KLRC1: variants seen among roughly 807,000 people sequenced by gnomAD.
KLRC1 encodes NKG2-A/NKG2-B type II integral membrane protein.
KLRC1 carries 22 observed loss-of-function variants against 25.9 expected under a neutral mutation model. The observed-to-expected ratio is 0.85, with a 90% CI of 0.61 to 1.21. The LOEUF is 1.21. KLRC1 is among the 50% of genes most tolerant of loss of function. KLRC1 has a pLI of 0.00. For missense variants in KLRC1, 240 were observed against 272.2 expected (o/e 0.88, Z 0.83); for synonymous variants, 77 against 93.1 (o/e 0.83, Z 0.99).
At chr12:10,448,723 T>C (rs1383749883) in intron 5 of KLRC1, among the ~76,000 whole-genome samples, 3 of 152,156 alleles carry the variant, frequency 2.0e-5, no homozygotes, top group South Asian at 4.2e-4. Context: ...AAATATCAGA[T>C]AGGAGTGAAA....
In KLRC1 at chr12:10,449,405, A is replaced by G. The variant is rs1348289199; in HGVS notation, c.338-17T>C. 6.2e-7 allele frequency: 1 copy of G among 1,612,308 alleles called. No individual in the cohort carries two copies. Among genetic ancestry groups the G allele is most frequent in the Non-Finnish European group, 8.5e-7 (1 of 1,179,244 alleles). On this transcript the variant is annotated splice_polypyrimidine_tract_variant and intron_variant, in intron 4 of 6. Coordinates refer to ENST00000359151, the MANE Select transcript of KLRC1 (RefSeq NM_002259.5). ...AATGACGTGCTAAATAAAGATATGA[A>G]TTACTATCTAGACCAATATGAATTT...
chr12:10,454,021 T>C (rs61571638), upstream of KLRC1, among the ~76,000 whole-genome samples: 10,442 of 152,268 alleles, frequency 0.069, 740 homozygotes, highest in South Asian at 0.24. Flanking sequence ...CATTTATTCA[T>C]CCTCCGCCAT....
chr12:10,450,604 T>G (rs1864102442), intron 2 of KLRC1, 25 bp from the exon 3 acceptor site: 1 of 1,415,208 alleles, frequency 7.1e-7, no homozygotes, highest in Non-Finnish European at 1.0e-6. Context: ...ATGGGAACAG[T>G]GCGAAAGGAG....
At chr12:10,451,238 C>T in intron 1 of KLRC1, 51 bp from the exon 2 acceptor site, 1 of 1,118,594 alleles carries the variant, frequency 8.9e-7, no homozygotes, top group Non-Finnish European at 1.2e-6. Flanking sequence ...TACAGGATTC[C>T]CTAGTGCAAT....
Position 10,450,500 on chromosome 12 carries a change from C to T in KLRC1, c.267G>A (p.Thr89=), listed in dbSNP as rs759907293. 1.3e-6 allele frequency: 2 copies of T among 1,598,674 alleles called. No individual in the cohort carries two copies. Among genetic ancestry groups the T allele is most frequent in the African/African-American group, 1.3e-5 (1 of 74,656 alleles). Residue 89 remains threonine, a synonymous_variant, in exon 3 of 7, where the codon ACG becomes ACA. Coordinates refer to ENST00000359151, the MANE Select transcript of KLRC1 (RefSeq NM_002259.5). ...TAGACTTACAGGGAATAACAACTAT[C>T]GTTACCACAGAGGCCATTAAGATAA... ...ICLILMASVV[T]IVVIPSTLIQ...
chr12:10,453,841 A>G (rs374732815), upstream of KLRC1, among the ~76,000 whole-genome samples: 18 of 152,286 alleles, frequency 1.2e-4, no homozygotes, highest in East Asian at 3.3e-3. Context: ...AAGTTATATT[A>G]TTAACTTCTC....
intron 4 of KLRC1, among the ~76,000 whole-genome samples, chr12:10,449,631 A>G (rs1864078900): frequency 6.6e-6 from 1 of 152,200 alleles, no homozygotes. Flanking sequence ...AATCCACTCT[A>G]TACATGTCTT....
In KLRC1 at chr12:10,446,519, T is replaced by C. The variant is rs141615615; in HGVS notation, c.*32A>G. 1 of 1,576,834 alleles carries C rather than the reference T, an allele frequency of 6.3e-7. No individual in the cohort carries two copies. Among genetic ancestry groups the C allele is most frequent in the Non-Finnish European group, 8.7e-7 (1 of 1,155,632 alleles). On this transcript the variant is annotated 3_prime_UTR_variant, in exon 7 of 7. Coordinates refer to ENST00000359151, the MANE Select transcript of KLRC1 (RefSeq NM_002259.5). ...TCTATTTTAAGAAATATACAATTTA[T>C]CTGATGCACTGCAAATGCAAACGCT...
chr12:10,445,066 C>T (rs947164057), downstream of KLRC1, among the ~76,000 whole-genome samples: 1 of 151,770 alleles, frequency 6.6e-6, no homozygotes, highest in Non-Finnish European at 1.5e-5. Context: ...ACTATAGGTG[C>T]ACACCACCAC....
intron 1 of KLRC1, among the ~76,000 whole-genome samples, chr12:10,452,796 C>T (rs899589012): frequency 4.6e-5 from 7 of 152,106 alleles, no homozygotes; most frequent in Admixed American, 1.3e-4. Flanking sequence ...CTCTAATCTA[C>T]GTGTCTGAGG....
Position 10,450,569 on chromosome 12 carries a change from T to C in KLRC1, c.198A>G (p.Ser66=), listed in dbSNP as rs1484338732. ...TCCCAACAATGAGCTTCTCTGGAGC[T>C]GATGGTAAATCTGCAGGGAGAGAAA... is the stretch of plus-strand genomic sequence containing the variant. ...DKTYHCKDLP[S]APEKLIVGIL... Residue 66 remains serine (S), a synonymous_variant, in exon 3 of 7, where the codon TCA becomes TCG. Transcript: ENST00000359151. 1 of 1,604,770 alleles carries C rather than the reference T, an allele frequency of 6.2e-7. No individual in the cohort carries two copies. Among genetic ancestry groups the C allele is most frequent in the African/African-American group, 1.3e-5 (1 of 74,700 alleles).
downstream of KLRC1, among the ~76,000 whole-genome samples, chr12:10,444,353 T>C (rs1310876425): frequency 2.7e-5 from 4 of 150,002 alleles, no homozygotes; most frequent in Non-Finnish European, 5.9e-5. Context: ...GAACGACTAC[T>C]AAAAATATAC....
chr12:10,451,081 C>T lies in KLRC1; in HGVS notation c.76G>A (p.Gly26Ser), dbSNP rs954006136. 3 of 1,613,854 alleles carry T rather than the reference C, an allele frequency of 1.9e-6. No homozygotes were observed. The highest frequency in any genetic ancestry group is 2.7e-5 in the African/African-American group (2 of 74,906). ...GTTGCTAAAATGGAGTTTTTATTGCCTTTAGGTTTTCGTTGCTGCCTCTTT... is the reference window on the plus strand; with the variant it reads ...GTTGCTAAAATGGAGTTTTTATTGCTTTTAGGTTTTCGTTGCTGCCTCTTT... The part of the protein sequence containing the change: ...NPKRQQRKPK[G>S]NKNSILATEQ... Residue 26 changes from glycine (G) to serine (S), a missense_variant, in exon 2 of 7, where the codon GGC becomes AGC. Coordinates refer to ENST00000359151, the MANE Select transcript of KLRC1 (RefSeq NM_002259.5).
intron 5 of KLRC1, among the ~76,000 whole-genome samples, chr12:10,448,516 G>T (rs879061960): frequency 1.3e-5 from 2 of 152,178 alleles, no homozygotes; most frequent in Admixed American, 1.3e-4. Context: ...CAGAGTGGAT[G>T]TGGGTGAGGA....
intron 5 of KLRC1, 93 bp from the exon 6 acceptor site, chr12:10,447,725 C>A (rs768839820): frequency 5.2e-6 from 5 of 963,920 alleles, no homozygotes; most frequent in Non-Finnish European, 7.6e-6. Context: ...TTTGCAGTGC[C>A]AAAAACTTTC....
At chr12:10,447,817 G>A (rs1443000744) in intron 5 of KLRC1, among the ~76,000 whole-genome samples, 185 bp from the exon 6 acceptor site, 3 of 152,138 alleles carry the variant, frequency 2.0e-5, no homozygotes, top group African/African-American at 7.2e-5. Flanking sequence ...TAATAAAGAA[G>A]TTTTAATTCT....
At chr12:10,448,631 G>A (rs1013334929) in intron 5 of KLRC1, among the ~76,000 whole-genome samples, 1 of 152,106 alleles carries the variant, frequency 6.6e-6, no homozygotes, top group Non-Finnish European at 1.5e-5. Context: ...GGATTGAATG[G>A]ATTCTTAGTG....
chr12:10,448,615 G>A (rs1182711366), intron 5 of KLRC1, among the ~76,000 whole-genome samples: 1 of 152,188 alleles, frequency 6.6e-6, no homozygotes, highest in African/African-American at 2.4e-5. Context: ...CCCATCCAGA[G>A]ACACAGGATT....
downstream of KLRC1, among the ~76,000 whole-genome samples, chr12:10,444,157 C>A (rs1863944992): frequency 1.4e-5 from 2 of 139,130 alleles, no homozygotes; most frequent in African/African-American, 2.8e-5. Context: ...CAAAAGATGA[C>A]CTAAAAATTA....
Sources: allele counts gnomAD v4.1 joint callset (sites outside exome capture counted in the v4.1 genomes callset), GRCh38; gene constraint gnomAD v4.1.1; transcripts MANE v1.5; gene names NCBI Gene and HGNC (gene_info 2026-07-23, HGNC 2026-07-21).